The following SZT2 variants were observed in gnomAD, a reference collection of about 807,000 sequenced individuals.
SZT2 encodes the protein KICSTOR complex protein SZT2.
Under a neutral mutation model 404.2 loss-of-function variants are expected in SZT2, and 216 were observed. The observed-to-expected ratio is 0.53, with a 90% CI of 0.48 to 0.60. The LOEUF is 0.60. Ranked by LOEUF, SZT2 falls within the 20% of genes least tolerant of loss-of-function variation. The probability of loss-of-function intolerance (pLI) is 0.00; values close to 1 mark genes in which losing one functional copy is unlikely to be tolerated. For synonymous variants in SZT2, 1,693 were observed against 1,749.9 expected (o/e 0.97, Z 0.81); for missense variants, 3,857 against 4,459.2 (o/e 0.86, Z 3.85).
At chr1:43,397,858 AG>A (rs1649192882) in intron 1 of SZT2, among the ~76,000 whole-genome samples, 1 of 152,164 alleles carries the variant, frequency 6.6e-6, no homozygotes, top group African/African-American at 2.4e-5. Flanking sequence ...AAACTCTGGC[AG>A]GTGTCATGAA....
At chr1:43,408,145 T>C (rs1650560595) in intron 4 of SZT2, among the ~76,000 whole-genome samples, 1 of 151,980 alleles carries the variant, frequency 6.6e-6, no homozygotes, top group South Asian at 2.1e-4. Context: ...ATTCTAACAT[T>C]TTATGGAACT....
At chr1:43,411,767 A>ATTTT (rs1378211335) in intron 4 of SZT2, among the ~76,000 whole-genome samples, 3 of 109,326 alleles carry the variant, frequency 2.7e-5, no homozygotes, top group African/African-American at 1.3e-4. Flanking sequence ...TTCATCCACT[A>ATTTT]TCTTTTTTTT....
Position 43,434,446 on chromosome 1 carries a change from G to T in SZT2, c.5865G>T (p.Leu1955=). The change falls in exon 41 of 72, where the codon CTG becomes CTT. Residue 1955 remains leucine, a synonymous_variant. Coordinates refer to ENST00000634258, the MANE Select transcript of SZT2 (RefSeq NM_001365999.1). The part of the protein sequence containing the change: ...GTECRHLQQL[L]VRRVGEICRE... ...AGTGTCGCCACCTGCAGCAGCTCCTGGTGAGGCGAGTTGGGGAGATCTGCA... is the reference window on the plus strand; with the variant it reads ...AGTGTCGCCACCTGCAGCAGCTCCTTGTGAGGCGAGTTGGGGAGATCTGCA... 6.3e-7 allele frequency: 1 copy of T among 1,598,592 alleles called. No individual in the cohort carries two copies. Among genetic ancestry groups the T allele is most frequent in the African/African-American group, 1.3e-5 (1 of 74,980 alleles).
At chr1:43,421,441 T>G in intron 11 of SZT2, 138 bp downstream of exon 11, 1 of 1,234,524 alleles carries the variant, frequency 8.1e-7, no homozygotes, top group Non-Finnish European at 1.1e-6. Context: ...GCTTTAACCT[T>G]GAGAGCTTCT....
At chr1:43,410,910 G>T (rs867804932) in intron 4 of SZT2, among the ~76,000 whole-genome samples, 1 of 152,224 alleles carries the variant, frequency 6.6e-6, no homozygotes, top group Non-Finnish European at 1.5e-5. Context: ...TGGGGGTTGG[G>T]GGGGGATCTT....
Position 43,423,136 on chromosome 1 carries a change from G to A in SZT2, c.2075G>A (p.Arg692His), listed in dbSNP as rs951853792. 5.6e-6 allele frequency: 9 copies of A among 1,596,382 alleles called. No homozygotes were observed. Among genetic ancestry groups the A allele is most frequent in the South Asian group, 3.3e-5 (3 of 90,628 alleles). ...TTGAGGGAAGAGATCCTGCGGCTGCGTTTCCCCCACCGGGTACAAAGCAAG... is the reference window on the plus strand; with the variant it reads ...TTGAGGGAAGAGATCCTGCGGCTGCATTTCCCCCACCGGGTACAAAGCAAG... ...SGLREEILRL[R>H]FPHRVQSKEP... Residue 692 changes from arginine to histidine, a missense_variant, in exon 15 of 72, where the codon CGT becomes CAT. Coordinates refer to ENST00000634258, the MANE Select transcript of SZT2 (RefSeq NM_001365999.1).
rs982356439 is a variant in SZT2, at chr1:43,453,255, C to A, written c.*2775C>A. 1.6e-5 allele frequency: 11 copies of A among 673,384 alleles called. No homozygotes were observed. Among genetic ancestry groups the A allele is most frequent in the Non-Finnish European group, 2.0e-5 (8 of 393,712 alleles). 41.7% of individuals were successfully genotyped at this position (673,384 alleles called of 1,614,324 possible). ...AATACAAAAGGCAATTTACAAAGGA[C>A]CAGGACCGCAGAGGCAGAGATAAAC... On this transcript the variant is annotated 3_prime_UTR_variant, in exon 72 of 72. Coordinates refer to ENST00000634258, the MANE Select transcript of SZT2 (RefSeq NM_001365999.1).
Position 43,451,422 on chromosome 1 carries a change from A to G in SZT2, c.*942A>G, listed in dbSNP as rs147961236. On this transcript the variant is annotated 3_prime_UTR_variant, in exon 72 of 72. Transcript: ENST00000634258. ...GGCCACGCCTCACCTCGAGGCTGATACTCACAGCCCACGAAGCCTTTGTAG... is the reference window on the plus strand; with the variant it reads ...GGCCACGCCTCACCTCGAGGCTGATGCTCACAGCCCACGAAGCCTTTGTAG... 4.2e-5 allele frequency: 67 copies of G among 1,612,944 alleles called. No individual in the cohort carries two copies. Among genetic ancestry groups the G allele is most frequent in the Non-Finnish European group, 5.6e-5 (66 of 1,179,906 alleles).
Position 43,452,165 on chromosome 1 carries a change from CAG to C in SZT2, c.*1689_*1690del. The C allele has an allele frequency of 6.4e-7, 1 of 1,560,642 alleles. No homozygotes were observed. ...GTGCACCCCCTTCTCCGCACACCCACAGAGACATGTAAGTACGTGTGTGTTTC... is the reference window on the plus strand; with the variant it reads ...GTGCACCCCCTTCTCCGCACACCCACAGACATGTAAGTACGTGTGTGTTTC... On this transcript the variant is annotated 3_prime_UTR_variant, in exon 72 of 72. Coordinates refer to ENST00000634258, the MANE Select transcript of SZT2 (RefSeq NM_001365999.1).
intron 15 of SZT2, 126 bp downstream of exon 15, chr1:43,423,442 G>A: frequency 2.1e-6 from 2 of 969,740 alleles, no homozygotes; most frequent in South Asian, 1.8e-5. Context: ...TGGGGTATGA[G>A]TGGTACAAAG....
rs201261624 is a variant in SZT2, at chr1:43,389,937, A to T, written c.-32A>T. On this transcript the variant is annotated 5_prime_UTR_variant, in exon 1 of 72. Coordinates refer to ENST00000634258, the MANE Select transcript of SZT2 (RefSeq NM_001365999.1). ...CAGGGGTCAAGAGTGGAACACCCTC[A>T]CTGGCCCGGGCCGGCGCGGGAGGGC... 5,571 of 1,481,432 alleles carry T rather than the reference A, an allele frequency of 3.8e-3. 19 individuals are homozygous for T. The highest frequency in any genetic ancestry group is 4.7e-3 in the Non-Finnish European group (5,188 of 1,115,476). The allele number at this position is 1,481,432 out of a possible 1,614,324, so 91.8% of individuals were successfully genotyped here.
chr1:43,438,261 T>C, intron 46 of SZT2: 1 of 353,462 alleles, frequency 2.8e-6, no homozygotes, highest in Non-Finnish European at 5.3e-6. Flanking sequence ...GAACTGGTGG[T>C]GCCACCGACC....
Position 43,430,724 on chromosome 1 carries a change from C to T in SZT2, c.4709C>T (p.Thr1570Met), listed in dbSNP as rs1217474365. 2 of 1,613,416 alleles carry T rather than the reference C, an allele frequency of 1.2e-6. No individual in the cohort carries two copies. The highest frequency in any genetic ancestry group is 1.7e-6 in the Non-Finnish European group (2 of 1,180,024). Residue 1570 changes from threonine to methionine, a missense_variant, in exon 32 of 72, where the codon ACG (threonine) becomes ATG (methionine). By Grantham distance (81) the Thr-to-Met change is moderately conservative. Around this residue, in one of 7 missense-constraint regions of SZT2, gnomAD observed 1,725 missense variants for 1,881.0 expected, o/e 0.92. Coordinates refer to ENST00000634258, the MANE Select transcript of SZT2 (RefSeq NM_001365999.1). ...HDLPPLFLHL[T>M]CSVRLRGQHS... ...CTGCCACCGCTCTTCCTGCACCTCA[C>T]GTGCTCCGTGCGGCTACGTGGGCAG...
chr1:43,431,952 T>G (rs1557571465), intron 36 of SZT2, 51 bp downstream of exon 36: 1 of 1,598,512 alleles, frequency 6.3e-7, no homozygotes, highest in Middle Eastern at 1.8e-4. Flanking sequence ...CGTCCTTCCC[T>G]GGGCCCCAGG....
rs772509966 is a variant in SZT2, at chr1:43,443,138, G to A, written c.8420-50G>A. 1.1e-5 allele frequency: 17 copies of A among 1,613,602 alleles called. No homozygotes were observed. The South Asian group carries it at 1.9e-4, about 18-fold the overall frequency. ...GACAGGAAATCTGTGGAGTCTGGGA[G>A]GAAGGGAGTGACAATGCCTGGGGCT... On this transcript the variant is annotated intron_variant, in intron 59 of 71. Transcript: ENST00000634258.
At chr1:43,445,215 T>TTTA (rs1655530066) in intron 62 of SZT2, 2 of 152,370 alleles carry the variant, frequency 1.3e-5, no homozygotes, top group South Asian at 4.1e-4. Context: ...TACAGCAAAA[T>TTTA]TTAAAGCCAG....
Position 43,441,766 on chromosome 1 carries a change from C to T in SZT2, c.7690C>T (p.Leu2564=). ...ATCCATCCTGTCTGAGTTCACCGCA[C>T]TGGTCACCTCAATGGCTGGAGACAC... is the stretch of plus-strand genomic sequence containing the variant. ...LPSILSEFTA[L]VTSMAGDTSV... Residue 2564 remains leucine, a synonymous_variant, in exon 55 of 72, where the codon CTG becomes TTG. Transcript: ENST00000634258. The surrounding 1 kb of genome is among the most constrained non-coding windows in gnomAD (Gnocchi z 4.8). 2 of 1,614,210 alleles carry T rather than the reference C, an allele frequency of 1.2e-6. No individual in the cohort carries two copies. The highest frequency in any genetic ancestry group is 1.7e-6 in the Non-Finnish European group (2 of 1,180,026).
intron 1 of SZT2, among the ~76,000 whole-genome samples, chr1:43,391,271 G>A (rs1648279931): frequency 6.6e-6 from 1 of 151,820 alleles, no homozygotes; most frequent in Non-Finnish European, 1.5e-5. Flanking sequence ...CTGAGATCAT[G>A]CCATTGCACT....
At chr1:43,404,094 C>T (rs979171671) in intron 3 of SZT2, 1 of 518,244 alleles carries the variant, frequency 1.9e-6, no homozygotes, top group African/African-American at 1.9e-5. Context: ...CCTGTCCTAG[C>T]TACTCGGGAG....
Sources: gnomAD v4.1 joint callset for allele counts (sites outside exome capture counted in the v4.1 genomes callset) on GRCh38, gnomAD v4.1.1 for gene constraint, gnomAD v4.1.1 regional missense constraint, Gnocchi (gnomAD v3.1) non-coding constraint, MANE v1.5 for transcripts, NCBI Gene and HGNC (gene_info 2026-07-23, HGNC 2026-07-21) for gene names.